CLVS1: variants seen among roughly 807,000 people sequenced by gnomAD.
CLVS1 encodes clavesin-1.
CLVS1 carries 10 observed loss-of-function variants against 33.1 expected under a neutral mutation model. The observed-to-expected ratio is 0.30, with a 90% CI of 0.19 to 0.51. The LOEUF (loss-of-function observed/expected upper bound fraction) is 0.51. CLVS1 is among the 20% of genes least tolerant of loss of function. CLVS1 has a pLI of 0.97. For synonymous variants in CLVS1, 163 were observed against 166.1 expected, an observed-to-expected ratio of 0.98 and a Z score of 0.14; for missense variants, 343 against 433.4, an observed-to-expected ratio of 0.79 and a Z score of 1.85.
At chr8:61,183,720 A>G (rs1195474823) in intron 2 of CLVS1, among the ~76,000 whole-genome samples, 3 of 152,114 alleles carry the variant, frequency 2.0e-5, no homozygotes, top group African/African-American at 7.2e-5. Flanking sequence ...TGCAACTCCT[A>G]TTTCTCACTC....
chr8:61,110,587 T>G (rs933868717), intron 1 of CLVS1, among the ~76,000 whole-genome samples: 1 of 152,224 alleles, frequency 6.6e-6, no homozygotes, highest in African/African-American at 2.4e-5. Flanking sequence ...CACTTCTGAA[T>G]GTACAGATCA....
intron 2 of CLVS1, chr8:61,131,875 C>T (rs1806105552): frequency 6.6e-6 from 1 of 152,078 alleles, no homozygotes; most frequent in African/African-American, 2.4e-5. Flanking sequence ...GTAAATATGA[C>T]CTGGTGTTTT....
At chr8:61,403,139 C>T (rs1814835026) in intron 3 of CLVS1, among the ~76,000 whole-genome samples, 1 of 152,120 alleles carries the variant, frequency 6.6e-6, no homozygotes, top group African/African-American at 2.4e-5. Flanking sequence ...TTGTTGGCCA[C>T]ACAGCTATTG....
At chr8:61,205,626 G>T (rs1807823880) in intron 2 of CLVS1, among the ~76,000 whole-genome samples, 1 of 152,144 alleles carries the variant, frequency 6.6e-6, no homozygotes, top group Non-Finnish European at 1.5e-5. Flanking sequence ...TATACTTCCA[G>T]AAGTGGACTT....
At chr8:61,497,616 A>G (rs1480305278) in intron 5 of CLVS1, among the ~76,000 whole-genome samples, 1 of 152,186 alleles carries the variant, frequency 6.6e-6, no homozygotes, top group Non-Finnish European at 1.5e-5. Context: ...TTCATCAGAA[A>G]GATGTTACCA....
At chr8:61,347,674 A>ATATATATC (rs1812275745) in intron 2 of CLVS1, among the ~76,000 whole-genome samples, 1 of 81,246 alleles carries the variant, frequency 1.2e-5, no homozygotes, top group African/African-American at 5.2e-5. Context: ...ATATATATAT[A>ATATATATC]TATATATATC....
chr8:61,147,163 T>G (rs1164273841), intron 2 of CLVS1, among the ~76,000 whole-genome samples: 2 of 152,210 alleles, frequency 1.3e-5, no homozygotes, highest in Non-Finnish European at 2.9e-5. Context: ...TCCTTGTTGA[T>G]GCTTCAGCCT....
chr8:61,017,901 C>T, the CLVS1 span, among the ~76,000 whole-genome samples: 2 of 152,234 alleles, frequency 1.3e-5, no homozygotes, highest in Non-Finnish European at 2.9e-5. Context: ...GAATTAAAAT[C>T]TAGCCCCAAT....
chr8:61,334,579 T>G (rs1290959249), intron 2 of CLVS1, among the ~76,000 whole-genome samples: 1 of 152,218 alleles, frequency 6.6e-6, no homozygotes, highest in Non-Finnish European at 1.5e-5. Context: ...AAGACAGCTA[T>G]TCCAGGAAAG....
intron 2 of CLVS1, among the ~76,000 whole-genome samples, chr8:61,133,993 AAAAG>A (rs1189537004): frequency 2.6e-5 from 4 of 152,100 alleles, no homozygotes; most frequent in Non-Finnish European, 5.9e-5. Flanking sequence ...GTTGGGAGGA[AAAAG>A]AAAGAGAGAA....
intron 2 of CLVS1, among the ~76,000 whole-genome samples, chr8:61,270,179 A>G (rs1809404508): frequency 6.6e-6 from 1 of 152,178 alleles, no homozygotes; most frequent in African/African-American, 2.4e-5. Flanking sequence ...TTATTTTGAA[A>G]TACGTCCCAT....
chr8:60,997,322 C>T, the CLVS1 span, among the ~76,000 whole-genome samples: 7 of 152,094 alleles, frequency 4.6e-5, no homozygotes, highest in Non-Finnish European at 7.4e-5. Context: ...TGGGAGCTGT[C>T]GCAATTAGCA....
intron 1 of CLVS1, among the ~76,000 whole-genome samples, chr8:61,098,208 G>C (rs1415594650): frequency 6.6e-6 from 1 of 152,032 alleles, no homozygotes; most frequent in African/African-American, 2.4e-5. Context: ...AGAGCGCAGA[G>C]AAACAGCTCA....
chr8:61,414,907 C>A (rs891862790), intron 3 of CLVS1, among the ~76,000 whole-genome samples: 2 of 152,310 alleles, frequency 1.3e-5, no homozygotes, highest in African/African-American at 4.8e-5. Flanking sequence ...ACTTAACAGG[C>A]AATTTATTAA....
the CLVS1 span, among the ~76,000 whole-genome samples, chr8:61,029,337 T>C: frequency 1.4e-4 from 21 of 152,306 alleles, no homozygotes; most frequent in East Asian, 3.3e-3. Flanking sequence ...GCGAGTTCCC[T>C]GCAGCCATCC....
intron 1 of CLVS1, among the ~76,000 whole-genome samples, chr8:61,069,009 C>T (rs1434046498): frequency 6.6e-6 from 1 of 152,092 alleles, no homozygotes; most frequent in Non-Finnish European, 1.5e-5. Flanking sequence ...TCTTGTTGTC[C>T]AGGCTGGAGT....
intron 2 of CLVS1, among the ~76,000 whole-genome samples, chr8:61,269,441 C>T (rs1230363729): frequency 2.0e-5 from 3 of 151,830 alleles, no homozygotes; most frequent in Non-Finnish European, 4.4e-5. Context: ...AGTTTGAAGT[C>T]AGGTAGTGTG....
intron 2 of CLVS1, among the ~76,000 whole-genome samples, chr8:61,190,398 C>T (rs566792107): frequency 9.2e-5 from 14 of 152,250 alleles, no homozygotes; most frequent in African/African-American, 3.1e-4. Flanking sequence ...ATTTATAGCA[C>T]TAAATGCCCA....
At chr8:61,222,423 CTTAA>C (rs1159004717) in intron 2 of CLVS1, among the ~76,000 whole-genome samples, 3 of 152,014 alleles carry the variant, frequency 2.0e-5, no homozygotes, top group Non-Finnish European at 4.4e-5. Context: ...TGATTTCTGC[CTTAA>C]TTATTTACCC....
Sources: allele counts gnomAD v4.1 joint callset (sites outside exome capture counted in the v4.1 genomes callset), GRCh38; gene constraint gnomAD v4.1.1; transcripts MANE v1.5; gene names NCBI Gene and HGNC (gene_info 2026-07-23, HGNC 2026-07-21).